The following WWOX variants were observed in gnomAD, a reference collection of about 807,000 sequenced individuals.
The protein encoded by WWOX is WW domain-containing oxidoreductase.
In WWOX, 69 loss-of-function variants were observed where a neutral mutation model predicts 46.2. That is an observed-to-expected ratio of 1.49 (90% CI 1.23 to 1.82). The LOEUF (loss-of-function observed/expected upper bound fraction) is 1.82, where lower values mean the gene tolerates loss of function less well. Ranked by LOEUF, WWOX falls within the 40% of genes most tolerant of loss-of-function variation. The pLI is 0.00. For missense variants in WWOX, 919 were observed against 542.6 expected, an observed-to-expected ratio of 1.69 and a Z score of -6.89; for synonymous variants, 359 against 202.6, an observed-to-expected ratio of 1.77 and a Z score of -6.56.
chr16:78,434,041 G>A (rs1001562497), intron 8 of WWOX, among the ~76,000 whole-genome samples: 19 of 151,926 alleles, frequency 1.3e-4, no homozygotes, highest in African/African-American at 4.6e-4. Context: ...CGCCCGCCTC[G>A]GCCTCCCAAA....
chr16:78,521,599 T>C (rs1332606883), intron 8 of WWOX, among the ~76,000 whole-genome samples: 1 of 152,244 alleles, frequency 6.6e-6, no homozygotes, highest in Non-Finnish European at 1.5e-5. Flanking sequence ...TTAAATACGC[T>C]AATATATATA....
intron 6 of WWOX, among the ~76,000 whole-genome samples, chr16:78,408,584 A>G (rs2082602634): frequency 6.6e-6 from 1 of 152,220 alleles, no homozygotes; most frequent in East Asian, 1.9e-4. Flanking sequence ...CTTGTGTAAC[A>G]GCTTGATCTC....
intron 8 of WWOX, among the ~76,000 whole-genome samples, chr16:78,769,577 A>G (rs1597580223): frequency 2.6e-5 from 1 of 39,078 alleles, no homozygotes; most frequent in African/African-American, 9.2e-5. Flanking sequence ...TTATTTATTT[A>G]TTTATTTTTA....
chr16:78,142,700 T>C (rs1177701167), intron 4 of WWOX, among the ~76,000 whole-genome samples: 1 of 152,204 alleles, frequency 6.6e-6, no homozygotes, highest in Non-Finnish European at 1.5e-5. Flanking sequence ...GAATCAATGC[T>C]CTTGACTGTA....
chr16:78,721,681 C>T (rs1027840522), intron 8 of WWOX, among the ~76,000 whole-genome samples: 1 of 152,208 alleles, frequency 6.6e-6, no homozygotes. Flanking sequence ...AATTGACCTG[C>T]CTGAGCCTCT....
intron 8 of WWOX, among the ~76,000 whole-genome samples, chr16:78,460,317 G>A (rs371489847): frequency 2.0e-5 from 3 of 152,054 alleles, no homozygotes; most frequent in Admixed American, 6.6e-5. Context: ...TAGTAGAGGC[G>A]GAGTTTCACC....
intron 8 of WWOX, among the ~76,000 whole-genome samples, chr16:78,593,001 G>A (rs1008747219): frequency 7.9e-5 from 12 of 152,146 alleles, no homozygotes; most frequent in African/African-American, 2.9e-4. Flanking sequence ...AGCACAGATA[G>A]CTGCCAGGGA....
intron 5 of WWOX, among the ~76,000 whole-genome samples, chr16:78,259,239 A>G (rs754565368): frequency 6.6e-6 from 1 of 152,258 alleles, no homozygotes; most frequent in Non-Finnish European, 1.5e-5. Context: ...AAAAAGTGAT[A>G]CAAAAGACCA....
chr16:78,580,435 C>G (rs1183636719), intron 8 of WWOX, among the ~76,000 whole-genome samples: 1 of 152,162 alleles, frequency 6.6e-6, no homozygotes, highest in African/African-American at 2.4e-5. Flanking sequence ...TCTGTGATTC[C>G]AGGTAAATAA....
intron 8 of WWOX, among the ~76,000 whole-genome samples, chr16:78,558,527 C>G (rs1296997796): frequency 6.6e-6 from 1 of 152,196 alleles, no homozygotes; most frequent in African/African-American, 2.4e-5. Context: ...GGCATGTGCC[C>G]TGTGGTTTGC....
intron 8 of WWOX, among the ~76,000 whole-genome samples, chr16:79,076,431 A>G (rs975719567): frequency 8.5e-5 from 13 of 152,292 alleles, no homozygotes; most frequent in Admixed American, 3.9e-4. Context: ...TTGTGAATCT[A>G]TGGAAGACTC....
intron 8 of WWOX, among the ~76,000 whole-genome samples, chr16:79,165,387 A>T (rs185660850): frequency 1.0e-3 from 158 of 152,290 alleles, no homozygotes; most frequent in African/African-American, 3.4e-3. Context: ...CCAGACATGG[A>T]ATCCTTTCTT....
chr16:78,949,833 C>T (rs2046022824), intron 8 of WWOX, among the ~76,000 whole-genome samples: 1 of 152,212 alleles, frequency 6.6e-6, no homozygotes. Flanking sequence ...GTTGTAGATT[C>T]TGACATGTCA....
chr16:78,395,943 A>G (rs2151940719), intron 6 of WWOX, among the ~76,000 whole-genome samples: 1 of 152,266 alleles, frequency 6.6e-6, no homozygotes, highest in Non-Finnish European at 1.5e-5. Context: ...AGTTGCCATA[A>G]AAGCAGCCTG....
chr16:78,803,507 T>A (rs1044866241), intron 8 of WWOX, among the ~76,000 whole-genome samples: 9 of 152,178 alleles, frequency 5.9e-5, no homozygotes, highest in Non-Finnish European at 8.8e-5. Context: ...AGTGCAGTGG[T>A]GCGATCACAG....
At chr16:78,225,875 C>G (rs7190964) in intron 5 of WWOX, among the ~76,000 whole-genome samples, 39,588 of 152,072 alleles carry the variant, frequency 0.26, 5,481 homozygotes, top group Admixed American at 0.34. Context: ...ATTCTGTTCT[C>G]TGTTTTTATA....
intron 5 of WWOX, among the ~76,000 whole-genome samples, chr16:78,371,533 C>A (rs1037218144): frequency 7.2e-5 from 10 of 138,780 alleles, no homozygotes; most frequent in African/African-American, 1.6e-4. Context: ...TTGTCTTTTA[C>A]TTATTTCTAT....
chr16:78,357,856 A>G (rs4522432), intron 5 of WWOX, among the ~76,000 whole-genome samples: 128,616 of 152,172 alleles, frequency 0.85, 55,118 homozygotes, highest in Non-Finnish European at 0.9. Context: ...ATAGCTAACC[A>G]GTAGCAGAGC....
intron 8 of WWOX, among the ~76,000 whole-genome samples, chr16:78,593,977 T>G (rs2045414863): frequency 6.6e-6 from 1 of 152,198 alleles, no homozygotes; most frequent in African/African-American, 2.4e-5. Flanking sequence ...TATATCCAAC[T>G]TGTGTAATTA....
Sources: gnomAD v4.1 joint callset for allele counts (sites outside exome capture counted in the v4.1 genomes callset) on GRCh38, gnomAD v4.1.1 for gene constraint, MANE v1.5 for transcripts, NCBI Gene and HGNC (gene_info 2026-07-23, HGNC 2026-07-21) for gene names.